CMTM3: variants seen among roughly 807,000 people sequenced by gnomAD.
CMTM3 encodes CKLF-like MARVEL transmembrane domain-containing protein 3.
In CMTM3, 7 loss-of-function variants were observed where a neutral mutation model predicts 18.2. The ratio of observed to expected loss-of-function variants is 0.38; its 90% confidence interval spans 0.22 to 0.72. CMTM3 has a LOEUF of 0.72. CMTM3 is among the 30% of genes least tolerant of loss of function. The pLI is 0.46. For missense variants in CMTM3, 227 were observed against 249.2 expected (o/e 0.91, Z 0.60); for synonymous variants, 109 against 111.2 (o/e 0.98, Z 0.12).
chr16:66,612,332 G>A lies in CMTM3; in HGVS notation c.521-277G>A, dbSNP rs2015408264. On this transcript the variant is annotated intron_variant, in intron 4 of 4. Coordinates refer to ENST00000567572, the MANE Select transcript of CMTM3 (RefSeq NM_181553.4). This position sits in a 1 kb window ranked among gnomAD's most constrained non-coding sequence, Gnocchi z 6.0. ...GGAAGTTGCAGTGAGTCGAGATCCC[G>A]CCATTGCACTCCAGCCTGGGTGATG... Among the ~76,000 whole-genome samples the A allele has an allele frequency of 6.6e-6, 1 of 152,172 alleles. No homozygotes were observed. Among genetic ancestry groups the A allele is most frequent in the South Asian group, 2.1e-4 (1 of 4,822 alleles).
chr16:66,607,497 A>T (rs1482750494), intron 1 of CMTM3, among the ~76,000 whole-genome samples: 1 of 152,246 alleles, frequency 6.6e-6, no homozygotes, highest in African/African-American at 2.4e-5. Flanking sequence ...CCATCAAGGC[A>T]TTTTATCTTT....
rs2015280239 is a variant in CMTM3 at position 66,609,321 on chromosome 16, T to C, written c.304-114T>C. ...GCATGTGGGTGGGGCCAGGATGGGA[T>C]AGGAGCCCTCAGGTGCTAGGCCTGG... On this transcript the variant is annotated intron_variant, in intron 2 of 4. Coordinates refer to ENST00000567572, the MANE Select transcript of CMTM3 (RefSeq NM_181553.4). This position sits in a 1 kb window ranked among gnomAD's most constrained non-coding sequence, Gnocchi z 4.4. The C allele has an allele frequency of 4.6e-6, 4 of 863,296 alleles. No individual in the cohort carries two copies. The highest frequency in any genetic ancestry group is 7.3e-6 in the Non-Finnish European group (4 of 549,568). The allele number at this position is 863,296 out of a possible 1,614,324, so 53.5% of individuals were successfully genotyped here. A position where few individuals can be genotyped will look rare whatever the true frequency, so the allele number is the denominator to read the frequency against.
Position 66,605,060 on chromosome 16 carries a change from C to A in CMTM3, c.147+108C>A. 2.0e-6 allele frequency: 2 copies of A among 1,021,908 alleles called. No individual in the cohort carries two copies. The highest frequency in any genetic ancestry group is 2.6e-6 in the Non-Finnish European group (2 of 776,914). 63.3% of individuals were successfully genotyped at this position (1,021,908 alleles called of 1,614,324 possible). A position where few individuals can be genotyped will look rare whatever the true frequency, so the allele number is the denominator to read the frequency against. ...CGGGGGCGGCCGCCGTGCTCCGATA[C>A]CCCCTCTCCGCGCCGCCTCGGCCGA... is the stretch of plus-strand genomic sequence containing the variant. On this transcript the variant is annotated intron_variant, in intron 1 of 4. Transcript: ENST00000567572. This position sits in a 1 kb window ranked among gnomAD's most constrained non-coding sequence, Gnocchi z 4.6.
chr16:66,608,539 TG>T lies in CMTM3; in HGVS notation c.303+78del. 6.8e-7 allele frequency: 1 copy of T among 1,473,100 alleles called. No homozygotes were observed. Among genetic ancestry groups the T allele is most frequent in the Non-Finnish European group, 9.3e-7 (1 of 1,072,176 alleles). 91.3% of individuals were successfully genotyped at this position (1,473,100 alleles called of 1,614,324 possible). On this transcript the variant is annotated intron_variant, in intron 2 of 4. Coordinates refer to ENST00000567572, the MANE Select transcript of CMTM3 (RefSeq NM_181553.4). This position sits in a 1 kb window ranked among gnomAD's most constrained non-coding sequence, Gnocchi z 5.1. ...GATGAGGAGTCCAGAGTCGTGCACTTGGGCCCTTATCCTTTCTCTAGTGTGC... is the reference window on the plus strand; with the variant it reads ...GATGAGGAGTCCAGAGTCGTGCACTTGGCCCTTATCCTTTCTCTAGTGTGC...
rs1386736103 is a variant in CMTM3, at chr16:66,609,723, G to A, written c.400-160G>A. On this transcript the variant is annotated intron_variant, in intron 3 of 4. Coordinates refer to ENST00000567572, the MANE Select transcript of CMTM3 (RefSeq NM_181553.4). This position sits in a 1 kb window ranked among gnomAD's most constrained non-coding sequence, Gnocchi z 4.4. ...TTTGAAAGGCTGTTTGTCAAACCAA[G>A]TTCACAGCTCATTTTCCCACTTCCG... 6.4e-7 allele frequency: 1 copy of A among 1,557,684 alleles called. No individual in the cohort carries two copies.
Position 66,609,549 on chromosome 16 carries a change from C to G in CMTM3, c.399+19C>G, listed in dbSNP as rs2015293591. On this transcript the variant is annotated intron_variant, in intron 3 of 4. Transcript: ENST00000567572. This position sits in a 1 kb window ranked among gnomAD's most constrained non-coding sequence, Gnocchi z 4.4. ...CGCTGGGGTGAGCAGCCGCCCCACC[C>G]CTCTGGAAACTGCAGATGCCCCTCT... The G allele has an allele frequency of 6.3e-7, 1 of 1,575,096 alleles. No homozygotes were observed.
chr16:66,605,066 C>G lies in CMTM3; in HGVS notation c.147+114C>G. 1 of 972,232 alleles carries G rather than the reference C, an allele frequency of 1.0e-6. No homozygotes were observed. The highest frequency in any genetic ancestry group is 1.4e-6 in the Non-Finnish European group (1 of 736,556). The allele number at this position is 972,232 out of a possible 1,614,324, so 60.2% of individuals were successfully genotyped here. On this transcript the variant is annotated intron_variant, in intron 1 of 4. Coordinates refer to ENST00000567572, the MANE Select transcript of CMTM3 (RefSeq NM_181553.4). This position sits in a 1 kb window ranked among gnomAD's most constrained non-coding sequence, Gnocchi z 4.6. ...CGGCCGCCGTGCTCCGATACCCCCT[C>G]TCCGCGCCGCCTCGGCCGACTTCTC...
chr16:66,609,657 A>T lies in CMTM3; in HGVS notation c.399+127A>T. 1 of 1,525,328 alleles carries T rather than the reference A, an allele frequency of 6.6e-7. No individual in the cohort carries two copies. Among genetic ancestry groups the T allele is most frequent in the Non-Finnish European group, 8.8e-7 (1 of 1,131,148 alleles). The allele number at this position is 1,525,328 out of a possible 1,614,324, so 94.5% of individuals were successfully genotyped here. On this transcript the variant is annotated intron_variant, in intron 3 of 4. Coordinates refer to ENST00000567572, the MANE Select transcript of CMTM3 (RefSeq NM_181553.4). This position sits in a 1 kb window ranked among gnomAD's most constrained non-coding sequence, Gnocchi z 4.4. ...GGGTCTCATGTGGGTCCCGATGATG[A>T]TTCCAAAGTCCTCTCATTAAAGACT...
rs2015317290 is a variant in CMTM3 at position 66,610,032 on chromosome 16, G to C, written c.520+29G>C. ...AGCGGCTGCCCTGATCACCCCAGCAGTGCTGCAACAGGGGCCTGCCCTCCC... is the reference window on the plus strand; with the variant it reads ...AGCGGCTGCCCTGATCACCCCAGCACTGCTGCAACAGGGGCCTGCCCTCCC... On this transcript the variant is annotated intron_variant, in intron 4 of 4. Coordinates refer to ENST00000567572, the MANE Select transcript of CMTM3 (RefSeq NM_181553.4). The surrounding 1 kb of genome is among the most constrained non-coding windows in gnomAD (Gnocchi z 4.6). 2.5e-6 allele frequency: 4 copies of C among 1,611,408 alleles called. No individual in the cohort carries two copies. In the East Asian group the frequency reaches 8.9e-5, roughly 36 times the overall value.
At chr16:66,604,985 A>G in intron 1 of CMTM3, 33 bp downstream of exon 1, 2 of 1,441,336 alleles carry the variant, frequency 1.4e-6, no homozygotes, top group African/African-American at 1.5e-5. Flanking sequence ...CCGCCCCGCT[A>G]GGACTGCGCG....
Position 66,605,161 on chromosome 16 carries a change from C to A in CMTM3, c.147+209C>A. ...GGCGGGGCGGGGCCCGAGCCCAGGC[C>A]ATCCGCGGCGCTGTCCCCGCGAGTC... On this transcript the variant is annotated intron_variant, in intron 1 of 4. Coordinates refer to ENST00000567572, the MANE Select transcript of CMTM3 (RefSeq NM_181553.4). This position sits in a 1 kb window ranked among gnomAD's most constrained non-coding sequence, Gnocchi z 4.6. 1 of 452,144 alleles carries A rather than the reference C, an allele frequency of 2.2e-6. No homozygotes were observed. The highest frequency in any genetic ancestry group is 3.8e-6 in the Non-Finnish European group (1 of 262,468). 28.0% of individuals were successfully genotyped at this position (452,144 alleles called of 1,614,324 possible). A position where few individuals can be genotyped will look rare whatever the true frequency, so the allele number is the denominator to read the frequency against.
chr16:66,608,528 A>T lies in CMTM3; in HGVS notation c.303+64A>T. On this transcript the variant is annotated intron_variant, in intron 2 of 4. Coordinates refer to ENST00000567572, the MANE Select transcript of CMTM3 (RefSeq NM_181553.4). The surrounding 1 kb of genome is among the most constrained non-coding windows in gnomAD (Gnocchi z 5.1). Reference sequence around the variant, plus strand: ...CAAAGTGGCCAGATGAGGAGTCCAGAGTCGTGCACTTGGGCCCTTATCCTT... The same window carrying T: ...CAAAGTGGCCAGATGAGGAGTCCAGTGTCGTGCACTTGGGCCCTTATCCTT... 6.5e-7 allele frequency: 1 copy of T among 1,545,532 alleles called. No individual in the cohort carries two copies.
At chr16:66,607,819 G>A (rs1449840673) in intron 1 of CMTM3, among the ~76,000 whole-genome samples, 1 of 151,690 alleles carries the variant, frequency 6.6e-6, no homozygotes, top group African/African-American at 2.4e-5. Context: ...ATAGGTGTGA[G>A]CCTGGGCCAT....
At chr16:66,611,113 G>C (rs1251284039) in intron 4 of CMTM3, 4 of 381,092 alleles carry the variant, frequency 1.0e-5, no homozygotes, top group African/African-American at 8.3e-5. Flanking sequence ...TTTCACATAT[G>C]TAACAATTAT....
Position 66,609,368 on chromosome 16 carries a change from G to A in CMTM3, c.304-67G>A. 1 of 1,411,376 alleles carries A rather than the reference G, an allele frequency of 7.1e-7. No individual in the cohort carries two copies. Among genetic ancestry groups the A allele is most frequent in the South Asian group, 1.2e-5 (1 of 83,628 alleles). The allele number at this position is 1,411,376 out of a possible 1,614,324, so 87.4% of individuals were successfully genotyped here. On this transcript the variant is annotated intron_variant, in intron 2 of 4. Transcript: ENST00000567572. The surrounding 1 kb of genome is among the most constrained non-coding windows in gnomAD (Gnocchi z 4.4). ...CTGGGGCTGGGAACACGACCAGGCT[G>A]CCAGGCCTCCTCCCCATGCTGTGCT...
rs1332710643 is a variant in CMTM3 at position 66,604,852 on chromosome 16, G to A, written c.47G>A (p.Gly16Asp). 7 of 1,368,398 alleles carry A rather than the reference G, an allele frequency of 5.1e-6. No individual in the cohort carries two copies. The highest frequency in any genetic ancestry group is 6.6e-6 in the Non-Finnish European group (7 of 1,066,122). The allele number at this position is 1,368,398 out of a possible 1,614,324, so 84.8% of individuals were successfully genotyped here. The stretch of plus-strand genomic sequence containing the variant: ...CCCGACCCGGACCCCGAGCCTGCCG[G>A]CGGCTCCCGTCCCGGCCCCGCGGTC... ...PDPDPDPEPA[G>D]GSRPGPAVPG... Residue 16 changes from glycine (G) to aspartate (D), a missense_variant, in exon 1 of 5, where the codon GGC (glycine) becomes GAC (aspartate). By Grantham distance (94) the Gly-to-Asp change is moderately conservative. Transcript: ENST00000567572.
upstream of CMTM3, chr16:66,604,668 GGGCGT>G: frequency 5.0e-6 from 3 of 602,024 alleles, no homozygotes; most frequent in Middle Eastern, 5.5e-4. Context: ...GGGCGGGGCG[GGGCGT>G]GGCGGCGGGG....
In CMTM3 at chr16:66,608,385, T is replaced by G; in HGVS notation, c.224T>G (p.Phe75Cys). 1 of 1,614,224 alleles carries G rather than the reference T, an allele frequency of 6.2e-7. No homozygotes were observed. Among genetic ancestry groups the G allele is most frequent in the Non-Finnish European group, 8.5e-7 (1 of 1,180,040 alleles). The change falls in exon 2 of 5, where the codon TTC becomes TGC. Residue 75 changes from phenylalanine to cysteine, a missense_variant. By Grantham distance (205) the Phe-to-Cys change is radical. Transcript: ENST00000567572. The surrounding 1 kb of genome is among the most constrained non-coding windows in gnomAD (Gnocchi z 5.1). The part of the protein sequence containing the change: ...SAFLTAPLLE[F>C]LLALYFLFAD... ...TTCCTCACAGCGCCTCTGCTGGAGT[T>G]CCTGCTGGCCTTGTACTTCCTCTTT...
chr16:66,605,378 C>G lies in CMTM3; in HGVS notation c.147+426C>G, dbSNP rs78200646. Reference sequence around the variant, plus strand: ...GGGGCCTCGACCTGCGGGGCCGAGCCGGCGGGGGGCCGTGCGGAGCGGGAG... The same window carrying G: ...GGGGCCTCGACCTGCGGGGCCGAGCGGGCGGGGGGCCGTGCGGAGCGGGAG... On this transcript the variant is annotated intron_variant, in intron 1 of 4. Coordinates refer to ENST00000567572, the MANE Select transcript of CMTM3 (RefSeq NM_181553.4). This position sits in a 1 kb window ranked among gnomAD's most constrained non-coding sequence, Gnocchi z 4.6. 6,477 of 154,886 alleles carry G rather than the reference C, an allele frequency of 0.042. 229 individuals carry two copies. The highest frequency in any genetic ancestry group is 0.12 in the East Asian group (602 of 5,220). The allele number at this position is 154,886 out of a possible 1,614,324, so 9.6% of individuals were successfully genotyped here. A position where few individuals can be genotyped will look rare whatever the true frequency, so the allele number is the denominator to read the frequency against.
Sources: allele counts gnomAD v4.1 joint callset (sites outside exome capture counted in the v4.1 genomes callset), GRCh38; gene constraint gnomAD v4.1.1; non-coding constraint Gnocchi (gnomAD v3.1); transcripts MANE v1.5; gene names NCBI Gene and HGNC (gene_info 2026-07-23, HGNC 2026-07-21).